UBE2E2: variants seen among roughly 807,000 people sequenced by gnomAD.
UBE2E2 encodes ubiquitin-conjugating enzyme E2 E2.
In UBE2E2, 6 loss-of-function variants were observed where a neutral mutation model predicts 24.7. That is an observed-to-expected ratio of 0.24 (90% CI 0.13 to 0.48). The LOEUF (loss-of-function observed/expected upper bound fraction) is 0.48, where lower values mean the gene tolerates loss of function less well. UBE2E2 is among the 20% of genes least tolerant of loss of function. The probability of loss-of-function intolerance (pLI) is 0.99; values close to 1 mark genes in which losing one functional copy is unlikely to be tolerated. For synonymous variants in UBE2E2, 104 were observed against 83.6 expected, an observed-to-expected ratio of 1.24 and a Z score of -1.33; for missense variants, 169 against 245.0, an observed-to-expected ratio of 0.69 and a Z score of 2.07.
At chr3:23,500,789 T>C (rs111719423) in intron 4 of UBE2E2, among the ~76,000 whole-genome samples, 261 of 152,308 alleles carry the variant, frequency 1.7e-3, no homozygotes, top group Admixed American at 3.3e-3. Flanking sequence ...GTAGCTATAA[T>C]TACCCTCAAT....
At chr3:23,489,072 C>T (rs778513) in intron 3 of UBE2E2, among the ~76,000 whole-genome samples, 23,863 of 152,094 alleles carry the variant, frequency 0.16, 2,242 homozygotes, top group East Asian at 0.22. Flanking sequence ...GATGTAGTGA[C>T]AGGATAAGAG....
At chr3:23,298,568 C>G (rs1698979255) in intron 3 of UBE2E2, among the ~76,000 whole-genome samples, 1 of 151,822 alleles carries the variant, frequency 6.6e-6, no homozygotes, top group African/African-American at 2.4e-5. Context: ...GTCTTTGGTT[C>G]TGTTTATATG....
intron 3 of UBE2E2, among the ~76,000 whole-genome samples, chr3:23,303,051 C>T (rs751519252): frequency 2.0e-5 from 3 of 152,176 alleles, no homozygotes; most frequent in African/African-American, 4.8e-5. Flanking sequence ...CTGGCATTAC[C>T]GCCTGAGCTC....
At chr3:23,428,417 G>T (rs1273059855) in intron 3 of UBE2E2, among the ~76,000 whole-genome samples, 1 of 152,156 alleles carries the variant, frequency 6.6e-6, no homozygotes, top group Non-Finnish European at 1.5e-5. Context: ...GAAATTTAAA[G>T]CATTGAATGC....
rs567834669 is a variant in UBE2E2 at position 23,423,482 on chromosome 3, C to A, written c.228-76126C>A. Among the ~76,000 whole-genome samples the A allele has an allele frequency of 1.1e-4, 16 of 152,166 alleles. No individual in the cohort carries two copies. In the South Asian group the frequency reaches 2.5e-3, roughly 24 times the overall value. On this transcript the variant is annotated intron_variant, in intron 3 of 5. Coordinates refer to ENST00000396703, the MANE Select transcript of UBE2E2 (RefSeq NM_152653.4). ...AGAAGTATGTCTGTTTCTCTCATAA[C>A]CCTTGTTTTAATGGTTAACAATTGT...
At chr3:23,309,174 T>G (rs1284308525) in intron 3 of UBE2E2, among the ~76,000 whole-genome samples, 1 of 152,184 alleles carries the variant, frequency 6.6e-6, no homozygotes, top group Non-Finnish European at 1.5e-5. Flanking sequence ...CAGGGGTGCC[T>G]TGTTATATTT....
At chr3:23,312,613 G>A (rs1694442423) in intron 3 of UBE2E2, among the ~76,000 whole-genome samples, 1 of 151,410 alleles carries the variant, frequency 6.6e-6, no homozygotes, top group African/African-American at 2.4e-5. Context: ...TGTTTCTTTT[G>A]TTTTGATTTC....
intron 3 of UBE2E2, among the ~76,000 whole-genome samples, chr3:23,464,767 T>G (rs1478756461): frequency 6.6e-6 from 1 of 152,190 alleles, no homozygotes; most frequent in Non-Finnish European, 1.5e-5. Context: ...AGTTTCCTCA[T>G]CTACAAAATG....
intron 3 of UBE2E2, among the ~76,000 whole-genome samples, chr3:23,355,613 C>G (rs35990123): frequency 6.6e-6 from 1 of 151,908 alleles, no homozygotes; most frequent in Admixed American, 6.6e-5. Context: ...AATACAGTTA[C>G]TTTTTTTTGT....
chr3:23,528,456 G>T (rs1695049574), intron 4 of UBE2E2, among the ~76,000 whole-genome samples: 1 of 152,160 alleles, frequency 6.6e-6, no homozygotes, highest in Non-Finnish European at 1.5e-5. Context: ...GAAAGAGAGT[G>T]AGCCAGCAGC....
At chr3:23,383,262 A>T (rs1440732353) in intron 3 of UBE2E2, among the ~76,000 whole-genome samples, 2 of 152,042 alleles carry the variant, frequency 1.3e-5, no homozygotes, top group Non-Finnish European at 2.9e-5. Context: ...AGCTGTGGAC[A>T]TACTGGATTT....
At chr3:23,439,086 ACAGGAACT>A (rs1421220505) in intron 3 of UBE2E2, among the ~76,000 whole-genome samples, 6 of 152,244 alleles carry the variant, frequency 3.9e-5, no homozygotes, top group Admixed American at 2.6e-4. Flanking sequence ...AAAATTTGGA[ACAGGAACT>A]CAATAATACT....
intron 3 of UBE2E2, among the ~76,000 whole-genome samples, chr3:23,351,880 G>T (rs931340285): frequency 2.6e-5 from 4 of 152,012 alleles, no homozygotes; most frequent in East Asian, 1.9e-4. Context: ...TGCACCAAGC[G>T]ACCTAATAGA....
At chr3:23,401,966 C>T (rs1283997021) in intron 3 of UBE2E2, among the ~76,000 whole-genome samples, 1 of 150,812 alleles carries the variant, frequency 6.6e-6, no homozygotes. Flanking sequence ...AAGCAATTCT[C>T]CTGTCTCAGC....
At chr3:23,351,266 C>G (rs1234358209) in intron 3 of UBE2E2, among the ~76,000 whole-genome samples, 1 of 152,214 alleles carries the variant, frequency 6.6e-6, no homozygotes, top group Non-Finnish European at 1.5e-5. Flanking sequence ...CAACCGGTAC[C>G]AGCCACTGCA....
chr3:23,397,032 T>A (rs1697095914), intron 3 of UBE2E2, among the ~76,000 whole-genome samples: 1 of 152,184 alleles, frequency 6.6e-6, no homozygotes, highest in African/African-American at 2.4e-5. Context: ...CCTGACACTT[T>A]TCCAGTGTAT....
chr3:23,390,672 A>G (rs1696913387), intron 3 of UBE2E2, among the ~76,000 whole-genome samples: 1 of 152,176 alleles, frequency 6.6e-6, no homozygotes, highest in Non-Finnish European at 1.5e-5. Context: ...ATACCCTTAG[A>G]CAGTGCTGTG....
At chr3:23,242,804 G>A (rs1453402729) in intron 3 of UBE2E2, among the ~76,000 whole-genome samples, 4 of 151,888 alleles carry the variant, frequency 2.6e-5, no homozygotes, top group Admixed American at 6.6e-5. Context: ...AATAGTTATC[G>A]GCCAGGCGCA....
Position 23,229,450 on chromosome 3 carries a change from C to G in UBE2E2, c.227+12138C>G, listed in dbSNP as rs569245585. On this transcript the variant is annotated intron_variant, in intron 3 of 5. Transcript: ENST00000396703. ...CTTTTATCCCTCACCCTCTTCCCAC[C>G]CTTTCCCCCTGAGTCCCCAAAGTCT... Among the ~76,000 whole-genome samples, 14 of 151,846 alleles carry G rather than the reference C, an allele frequency of 9.2e-5. No homozygotes were observed. The South Asian group carries it at 2.7e-3, about 29-fold the overall frequency.
Sources: allele counts gnomAD v4.1 joint callset (sites outside exome capture counted in the v4.1 genomes callset), GRCh38; gene constraint gnomAD v4.1.1; transcripts MANE v1.5; gene names NCBI Gene and HGNC (gene_info 2026-07-23, HGNC 2026-07-21).